Variants in FRAS1 observed in about 807,000 individuals in gnomAD.
The protein encoded by FRAS1 is Fraser extracellular matrix complex subunit 1.
A neutral mutation model predicts 435.2 loss-of-function variants in FRAS1; 290 were observed. That is an observed-to-expected ratio of 0.67 (90% confidence interval 0.61 to 0.73). The LOEUF (loss-of-function observed/expected upper bound fraction) is 0.73, where lower values mean the gene tolerates loss of function less well. Ranked by LOEUF, FRAS1 falls within the 30% of genes least tolerant of loss-of-function variation. The pLI, the probability that FRAS1 is intolerant of heterozygous loss-of-function variation, is 0.00. For synonymous variants in FRAS1, 1,800 were observed against 1,851.0 expected, an observed-to-expected ratio of 0.97 and a Z score of 0.71; for missense variants, 4,860 against 5,001.5, an observed-to-expected ratio of 0.97 and a Z score of 0.85.
intron 2 of FRAS1, chr4:78,180,722 A>G (rs564202954): frequency 1.2e-3 from 809 of 694,268 alleles, no homozygotes; most frequent in Non-Finnish European, 1.2e-3. Context: ...CATTTTTGAA[A>G]CAGATAAAAT....
chr4:78,415,060 T>C (rs1733494488), intron 32 of FRAS1, among the ~76,000 whole-genome samples: 1 of 152,106 alleles, frequency 6.6e-6, no homozygotes, highest in Admixed American at 6.6e-5. Context: ...CACTATAGAG[T>C]TGATGAAAAC....
intron 40 of FRAS1, 118 bp from the exon 41 acceptor site, chr4:78,441,044 C>T (rs1734637633): frequency 3.2e-6 from 3 of 947,832 alleles, no homozygotes; most frequent in Non-Finnish European, 4.8e-6. Context: ...GGTCTGCCTC[C>T]TCAAAGAAGC....
At chr4:78,463,958 G>A in intron 47 of FRAS1, 63 bp from the exon 48 acceptor site, 1 of 1,582,750 alleles carries the variant, frequency 6.3e-7, no homozygotes, top group Non-Finnish European at 8.7e-7. Flanking sequence ...CACTTCCCTA[G>A]CCTTAGATAT....
At chr4:78,115,806 G>GT (rs1405921966) in intron 2 of FRAS1, among the ~76,000 whole-genome samples, 33 of 150,920 alleles carry the variant, frequency 2.2e-4, no homozygotes, top group Admixed American at 2.6e-4. Context: ...ATTTTTTGAA[G>GT]TTTTTTTTGT....
chr4:78,085,892 C>G (rs1186711260), intron 2 of FRAS1, among the ~76,000 whole-genome samples: 1 of 152,112 alleles, frequency 6.6e-6, no homozygotes, highest in African/African-American at 2.4e-5. Flanking sequence ...CAAGGATATC[C>G]AGGAATTGAA....
In FRAS1 at chr4:78,518,253, T is replaced by TA. The variant is rs985668361; in HGVS notation, c.10390-1069dup. ...TTAAATCCCTGACAACTTTGAATAT[T>TA]AAAAAAAAACTTTAGAAAAATATTA... On this transcript the variant is annotated intron_variant, in intron 66 of 73. Coordinates refer to ENST00000512123, the MANE Select transcript of FRAS1 (RefSeq NM_025074.7). 2.4e-3 allele frequency among the ~76,000 whole-genome samples: 360 copies of TA among 151,126 alleles called. 2 individuals are homozygous for TA. The highest frequency in any genetic ancestry group is 8.2e-3 in the African/African-American group (337 of 41,208).
intron 19 of FRAS1, among the ~76,000 whole-genome samples, chr4:78,334,560 AG>A (rs34693213): frequency 0.032 from 4,847 of 151,182 alleles, 232 homozygotes; most frequent in African/African-American, 0.11. Flanking sequence ...TAGTAGAGAC[AG>A]GGTTTCACCA....
intron 2 of FRAS1, among the ~76,000 whole-genome samples, chr4:78,168,460 T>C (rs1721421934): frequency 6.6e-6 from 1 of 151,956 alleles, no homozygotes; most frequent in South Asian, 2.1e-4. Context: ...ACCCCTGTAA[T>C]AGTCACACAG....
chr4:78,486,728 G>A (rs1720179382), intron 58 of FRAS1, among the ~76,000 whole-genome samples: 1 of 151,958 alleles, frequency 6.6e-6, no homozygotes, highest in South Asian at 2.1e-4. Context: ...TATGTCTCTT[G>A]CCTCAGTCTC....
At chr4:78,400,556 T>C (rs1232812263) in intron 29 of FRAS1, among the ~76,000 whole-genome samples, 178 bp from the exon 30 acceptor site, 6 of 152,208 alleles carry the variant, frequency 3.9e-5, no homozygotes, top group Admixed American at 2.6e-4. Flanking sequence ...TGTAAATATA[T>C]AGATAAATAT....
intron 2 of FRAS1, among the ~76,000 whole-genome samples, chr4:78,104,368 T>C (rs1742283689): frequency 6.6e-6 from 1 of 152,174 alleles, no homozygotes; most frequent in African/African-American, 2.4e-5. Flanking sequence ...TAGTAAGAAG[T>C]TAGAAAACAC....
Position 78,317,476 on chromosome 4 carries a change from AG to A in FRAS1, c.1931del (p.Gly644ValfsTer53), listed in dbSNP as rs794727195. ...RQGHCLPRCG[E>X]GFYSDHGVCK... The stretch of plus-strand genomic sequence containing the variant: ...GGCCACTGTCTGCCCCGCTGTGGAG[AG>A]GGTTTCTACTCTGACCATGGAGTCT... On this transcript the variant is annotated frameshift_variant, in exon 17 of 74. Coordinates refer to ENST00000512123, the MANE Select transcript of FRAS1 (RefSeq NM_025074.7). LOFTEE classifies it high-confidence loss of function. 19 of 1,613,622 alleles carry A rather than the reference AG, an allele frequency of 1.2e-5. No individual in the cohort carries two copies. Among genetic ancestry groups the A allele is most frequent in the Non-Finnish European group, 1.5e-5 (18 of 1,179,792 alleles).
chr4:78,448,398 G>A (rs1718921338), intron 44 of FRAS1, 82 bp downstream of exon 44: 2 of 1,304,324 alleles, frequency 1.5e-6, no homozygotes, highest in Admixed American at 2.4e-5. Flanking sequence ...TTTCTTCCAT[G>A]TTAGTGATGT....
intron 61 of FRAS1, among the ~76,000 whole-genome samples, chr4:78,506,991 C>A (rs183912161): frequency 6.6e-6 from 1 of 152,256 alleles, no homozygotes; most frequent in African/African-American, 2.4e-5. Context: ...AACCTTGAGC[C>A]ACTACTTCTC....
Position 78,452,268 on chromosome 4 carries a change from C to A in FRAS1, c.6677C>A (p.Thr2226Asn), listed in dbSNP as rs770721027. Residue 2226 changes from threonine (T) to asparagine (N), a missense_variant, in exon 47 of 74, where the codon ACT becomes AAT. Physicochemically the swap from Thr to Asn is moderately conservative, Grantham distance 65. Coordinates refer to ENST00000512123, the MANE Select transcript of FRAS1 (RefSeq NM_025074.7). ...KKITTLQLSA[T>N]DQDSGPTELI... ...ATCACCACCCTGCAGCTGTCTGCCA[C>A]TGACCAGGACAGTGGGCCTACAGAA... is the stretch of plus-strand genomic sequence containing the variant. The A allele has an allele frequency of 6.2e-7, 1 of 1,613,822 alleles. No individual in the cohort carries two copies. The highest frequency in any genetic ancestry group is 2.2e-5 in the East Asian group (1 of 44,878).
chr4:78,247,478 T>C (rs1490151661), intron 4 of FRAS1, among the ~76,000 whole-genome samples: 1 of 152,194 alleles, frequency 6.6e-6, no homozygotes, highest in Admixed American at 6.5e-5. Context: ...CTTCTAATTT[T>C]AGTCTTAATA....
chr4:78,375,659 C>A, intron 25 of FRAS1, 80 bp from the exon 26 acceptor site: 2 of 1,274,594 alleles, frequency 1.6e-6, no homozygotes, highest in Non-Finnish European at 2.1e-6. Flanking sequence ...TGCTCTGACT[C>A]TTCTGGTTGC....
In FRAS1 at chr4:78,177,786, C is replaced by T. The variant is rs186230729; in HGVS notation, c.109-59724C>T. On this transcript the variant is annotated intron_variant, in intron 2 of 73. Coordinates refer to ENST00000512123, the MANE Select transcript of FRAS1 (RefSeq NM_025074.7). The stretch of plus-strand genomic sequence containing the variant: ...CCTCACCACCTTTTACCTTCCCTCC[C>T]CTTACATACGGATTGGATTGAACAC... Among the ~76,000 whole-genome samples, 297 of 152,290 alleles carry T rather than the reference C, an allele frequency of 2.0e-3. 1 individual carries two copies. The highest frequency in any genetic ancestry group is 3.5e-3 in the Non-Finnish European group (241 of 68,028).
intron 55 of FRAS1, among the ~76,000 whole-genome samples, chr4:78,478,398 G>A (rs1035484391): frequency 6.6e-6 from 1 of 152,202 alleles, no homozygotes; most frequent in East Asian, 1.9e-4. Flanking sequence ...TGGTCAAGGA[G>A]GGAAGTTACA....
Sources: gnomAD v4.1 joint callset for allele counts (sites outside exome capture counted in the v4.1 genomes callset) on GRCh38, gnomAD v4.1.1 for gene constraint, MANE v1.5 for transcripts, NCBI Gene and HGNC (gene_info 2026-07-23, HGNC 2026-07-21) for gene names.